Variants in C4orf54 observed in about 807,000 individuals in gnomAD.
C4orf54 encodes uncharacterized protein C4orf54.
C4orf54 carries 67 observed loss-of-function variants against 80.1 expected under a neutral mutation model. That is an observed-to-expected ratio of 0.84 (90% CI 0.69 to 1.03). The LOEUF is 1.03. Among genes scored for constraint, C4orf54 ranks in the 50% least tolerant of loss-of-function variants. The pLI is 0.00. For synonymous variants in C4orf54, 1,000 were observed against 917.0 expected (o/e 1.09, Z -1.64); for missense variants, 2,434 against 2,253.5 (o/e 1.08, Z -1.62).
Position 99,651,955 on chromosome 4 carries a change from G to A in C4orf54, c.2694C>T (p.Phe898=), listed in dbSNP as rs1243936789. ...GSVAGSKSPV[F]KASTPRERNA... Reference sequence around the variant, plus strand: ...TGCGCTCGCGAGGAGTACTGGCTTTGAAGACTGGAGATTTGGAGCCCGCCA... The same window carrying A: ...TGCGCTCGCGAGGAGTACTGGCTTTAAAGACTGGAGATTTGGAGCCCGCCA... Residue 898 remains phenylalanine (F), a synonymous_variant, in exon 2 of 3, where the codon TTC becomes TTT. Coordinates refer to ENST00000511828, the MANE Select transcript of C4orf54 (RefSeq NM_001354435.2). 1.3e-6 allele frequency: 2 copies of A among 1,536,052 alleles called. No individual in the cohort carries two copies. The highest frequency in any genetic ancestry group is 2.7e-5 in the African/African-American group (2 of 73,068).
chr4:99,650,564 A>C lies in C4orf54; in HGVS notation c.4085T>G (p.Leu1362Arg). ...GAGAGATCGGGGTCTTTCCCTGGCC[A>C]GGTTCTCAAAGGCCGCTGCCCTGGC... ...VSARAAAFEN[L>R]ARERPRSLYI... Residue 1362 changes from leucine (L) to arginine (R), a missense_variant, in exon 2 of 3, where the codon CTG becomes CGG. Coordinates refer to ENST00000511828, the MANE Select transcript of C4orf54 (RefSeq NM_001354435.2). The C allele has an allele frequency of 6.5e-7, 1 of 1,536,020 alleles. No homozygotes were observed. Among genetic ancestry groups the C allele is most frequent in the South Asian group, 1.2e-5 (1 of 84,046 alleles).
Position 99,650,339 on chromosome 4 carries a change from G to C in C4orf54, c.4310C>G (p.Ser1437Cys). 6.5e-7 allele frequency: 1 copy of C among 1,536,048 alleles called. No homozygotes were observed. The highest frequency in any genetic ancestry group is 2.4e-5 in the East Asian group (1 of 40,898). ...AKGIKSQGLRSLKISPATRAP... is the reference protein window; with the variant it reads ...AKGIKSQGLRCLKISPATRAP... ...CCGGGTGGCTGGAGAGATCTTGAGG[G>C]ACCGGAGTCCCTGCGACTTGATGCC... The change falls in exon 2 of 3, where the codon TCC becomes TGC. Residue 1437 changes from serine to cysteine, a missense_variant. Physicochemically the swap from Ser to Cys is moderately radical, Grantham distance 112 (BLOSUM62 -1). Coordinates refer to ENST00000511828, the MANE Select transcript of C4orf54 (RefSeq NM_001354435.2).
rs1440407703 is a variant in C4orf54 at position 99,652,965 on chromosome 4, G to T, written c.1684C>A (p.His562Asn). Residue 562 changes from histidine to asparagine, a missense_variant, in exon 2 of 3, where the codon CAC becomes AAC. By Grantham distance (68) the His-to-Asn change is moderately conservative. Coordinates refer to ENST00000511828, the MANE Select transcript of C4orf54 (RefSeq NM_001354435.2). ...TTTTGCTTCAGCGAACTTGAATTGT[G>T]TTCAGCAGCTGTAGAGACGCGGAGG... is the stretch of plus-strand genomic sequence containing the variant. ...MSLRVSTAAEHNSSSLKQNPA... is the reference protein window; with the variant it reads ...MSLRVSTAAENNSSSLKQNPA... 12 of 1,536,180 alleles carry T rather than the reference G, an allele frequency of 7.8e-6. No homozygotes were observed. The highest frequency in any genetic ancestry group is 8.7e-6 in the Non-Finnish European group (10 of 1,146,918).
At chr4:99,642,650 T>C (rs915524242) in intron 2 of C4orf54, among the ~76,000 whole-genome samples, 3 of 152,216 alleles carry the variant, frequency 2.0e-5, no homozygotes, top group Non-Finnish European at 2.9e-5. Flanking sequence ...ATCGCCAATA[T>C]AGCTAACCTG....
Position 99,651,249 on chromosome 4 carries a change from T to G in C4orf54, c.3400A>C (p.Lys1134Gln), listed in dbSNP as rs1444415493. The change falls in exon 2 of 3, where the codon AAA (lysine) becomes CAA (glutamine). Residue 1134 changes from lysine (K) to glutamine (Q), a missense_variant. Lys to Gln is a moderately conservative substitution (Grantham distance 53). Coordinates refer to ENST00000511828, the MANE Select transcript of C4orf54 (RefSeq NM_001354435.2). The part of the protein sequence containing the change: ...VTPEQGLTGP[K>Q]PRQLSAAAGG... Reference sequence around the variant, plus strand: ...GCTGCTGCAGACAGCTGCCTGGGTTTGGGTCCAGTCAGCCCCTGCTCTGGG... The same window carrying G: ...GCTGCTGCAGACAGCTGCCTGGGTTGGGGTCCAGTCAGCCCCTGCTCTGGG... The G allele has an allele frequency of 7.2e-6, 11 of 1,536,044 alleles. 1 individual carries two copies. Among genetic ancestry groups the G allele is most frequent in the African/African-American group, 1.4e-5 (1 of 73,046 alleles).
In C4orf54 at chr4:99,651,306, A is replaced by C; in HGVS notation, c.3343T>G (p.Ser1115Ala). 6.5e-7 allele frequency: 1 copy of C among 1,535,662 alleles called. No homozygotes were observed. The highest frequency in any genetic ancestry group is 8.7e-7 in the Non-Finnish European group (1 of 1,146,806). ...VRDVRKLIKGSGDSSDKGSVT... is the reference protein window; with the variant it reads ...VRDVRKLIKGAGDSSDKGSVT... ...CTGCCCTTGTCACTACTATCCCCTG[A>C]CCCTTTAATTAGTTTCCTGACATCT... The change falls in exon 2 of 3, where the codon TCA becomes GCA. Residue 1115 changes from serine (S) to alanine (A), a missense_variant. Transcript: ENST00000511828.
At chr4:99,648,390 T>C (rs1726735260) in intron 2 of C4orf54, among the ~76,000 whole-genome samples, 1 of 152,220 alleles carries the variant, frequency 6.6e-6, no homozygotes, top group Non-Finnish European at 1.5e-5. Context: ...TGGAAGTTGA[T>C]TCTTTTCTGA....
chr4:99,643,792 A>ACCCCCCCC (rs10714195), intron 2 of C4orf54, among the ~76,000 whole-genome samples: 3 of 98,908 alleles, frequency 3.0e-5, no homozygotes, highest in African/African-American at 4.5e-5. Context: ...ACACACACAC[A>ACCCCCCCC]CCCCCTCCGC....
intron 2 of C4orf54, among the ~76,000 whole-genome samples, chr4:99,643,572 C>T (rs1372919900): frequency 6.6e-6 from 1 of 152,114 alleles, no homozygotes; most frequent in Non-Finnish European, 1.5e-5. Flanking sequence ...TCCTAGGAGT[C>T]CTTAAGCTGT....
intron 1 of C4orf54, among the ~76,000 whole-genome samples, chr4:99,656,888 C>G (rs955750342): frequency 6.6e-6 from 1 of 152,200 alleles, no homozygotes; most frequent in Non-Finnish European, 1.5e-5. Flanking sequence ...GCAGGGCACC[C>G]GGATTCACAA....
Position 99,649,907 on chromosome 4 carries a change from G to A in C4orf54, c.4742C>T (p.Pro1581Leu), listed in dbSNP as rs1726771810. 1.3e-6 allele frequency: 2 copies of A among 1,529,032 alleles called. No individual in the cohort carries two copies. Among genetic ancestry groups the A allele is most frequent in the East Asian group, 2.5e-5 (1 of 40,710 alleles). 94.7% of individuals were successfully genotyped at this position (1,529,032 alleles called of 1,614,324 possible). A position where few individuals can be genotyped will look rare whatever the true frequency, so the allele number is the denominator to read the frequency against. Residue 1581 changes from proline to leucine, a missense_variant, in exon 2 of 3, where the codon CCA becomes CTA. By Grantham distance (98) the Pro-to-Leu change is moderately conservative. Coordinates refer to ENST00000511828, the MANE Select transcript of C4orf54 (RefSeq NM_001354435.2). ...GAQPQVLCFSPPSMPAPAPAA... is the reference protein window; with the variant it reads ...GAQPQVLCFSLPSMPAPAPAA... Reference sequence around the variant, plus strand: ...AGGTGCTGGGGCAGGCATGCTGGGTGGGGAGAAGCAGAGGACCTGAGGCTG... The same window carrying A: ...AGGTGCTGGGGCAGGCATGCTGGGTAGGGAGAAGCAGAGGACCTGAGGCTG...
chr4:99,651,579 G>T lies in C4orf54; in HGVS notation c.3070C>A (p.Pro1024Thr). ...AQATSTAVIR[P>T]KAPEIKIRLG... is the part of the protein sequence containing the mutation. Reference sequence around the variant, plus strand: ...CGGATCTTGATTTCGGGAGCCTTGGGTCTGATCACCGCTGTGGAGGTGGCC... The same window carrying T: ...CGGATCTTGATTTCGGGAGCCTTGGTTCTGATCACCGCTGTGGAGGTGGCC... Residue 1024 changes from proline to threonine, a missense_variant, in exon 2 of 3, where the codon CCC becomes ACC. Coordinates refer to ENST00000511828, the MANE Select transcript of C4orf54 (RefSeq NM_001354435.2). The T allele has an allele frequency of 2.0e-6, 3 of 1,536,132 alleles. No homozygotes were observed. Among genetic ancestry groups the T allele is most frequent in the Non-Finnish European group, 2.6e-6 (3 of 1,146,896 alleles).
chr4:99,656,280 G>GT (rs1194995054), intron 1 of C4orf54, among the ~76,000 whole-genome samples: 397 of 146,636 alleles, frequency 2.7e-3, no homozygotes, highest in South Asian at 9.3e-3. Context: ...TTTTATCTTA[G>GT]TTTTTTTTTT....
intron 2 of C4orf54, among the ~76,000 whole-genome samples, chr4:99,643,792 A>ACACACC (rs61130907): frequency 0.026 from 2,541 of 98,414 alleles, 77 homozygotes; most frequent in Non-Finnish European, 0.038. Context: ...ACACACACAC[A>ACACACC]CCCCCTCCGC....
At chr4:99,642,397 G>A (rs1460468443) in intron 2 of C4orf54, among the ~76,000 whole-genome samples, 1 of 152,180 alleles carries the variant, frequency 6.6e-6, no homozygotes, top group East Asian at 1.9e-4. Flanking sequence ...AGGGGAAACA[G>A]AGAGAAAAGA....
Position 99,650,233 on chromosome 4 carries a change from G to A in C4orf54, c.4416C>T (p.Thr1472=). The A allele has an allele frequency of 2.0e-6, 3 of 1,536,070 alleles. No individual in the cohort carries two copies. Residue 1472 remains threonine, a synonymous_variant, in exon 2 of 3, where the codon ACC becomes ACT. Coordinates refer to ENST00000511828, the MANE Select transcript of C4orf54 (RefSeq NM_001354435.2). ...CAGCAGAGCTTCCTTTAAGAGGGAT[G>A]GTCAGGTAATTCTCACAGTCACTGT... ...KSNSDCENYL[T]IPLKGSSAAG... is the part of the protein sequence containing the mutation.
chr4:99,639,081 C>T lies in C4orf54; in HGVS notation c.*2152G>A, dbSNP rs1242297243. On this transcript the variant is annotated 3_prime_UTR_variant, in exon 3 of 3. Coordinates refer to ENST00000511828, the MANE Select transcript of C4orf54 (RefSeq NM_001354435.2). ...TAGGGGTCCCAAGCCCTCAACTCTA[C>T]CACATTTTCTAGAGAAGGAGTTGTC... 2.0e-5 allele frequency: 3 copies of T among 152,138 alleles called. No individual in the cohort carries two copies. Among genetic ancestry groups the T allele is most frequent in the African/African-American group, 4.8e-5 (2 of 41,454 alleles). 9.4% of individuals were successfully genotyped at this position (152,138 alleles called of 1,614,324 possible). A position where few individuals can be genotyped will look rare whatever the true frequency, so the allele number is the denominator to read the frequency against.
intron 1 of C4orf54, among the ~76,000 whole-genome samples, chr4:99,655,430 G>A (rs1023235932): frequency 1.3e-5 from 2 of 152,208 alleles, no homozygotes; most frequent in African/African-American, 2.4e-5. Context: ...TATAGCCTGA[G>A]CTGCAGCCTC....
rs1340124985 is a variant in C4orf54, at chr4:99,651,686, G to C, written c.2963C>G (p.Ser988Cys). The C allele has an allele frequency of 5.2e-6, 8 of 1,536,086 alleles. No homozygotes were observed. The highest frequency in any genetic ancestry group is 7.0e-6 in the Non-Finnish European group (8 of 1,146,896). Residue 988 changes from serine to cysteine, a missense_variant, in exon 2 of 3, where the codon TCT (serine) becomes TGT (cysteine). Transcript: ENST00000511828. Reference protein sequence around the residue: ...EISASKNTIMSRLFVPNIQQT... With the variant: ...EISASKNTIMCRLFVPNIQQT... Reference sequence around the variant, plus strand: ...CTGGATGTTGGGGACAAAGAGGCGAGACATGATGGTGTTCTTGCTGGCAGA... The same window carrying C: ...CTGGATGTTGGGGACAAAGAGGCGACACATGATGGTGTTCTTGCTGGCAGA...
Sources: gnomAD v4.1 joint callset for allele counts (sites outside exome capture counted in the v4.1 genomes callset) on GRCh38, gnomAD v4.1.1 for gene constraint, MANE v1.5 for transcripts, NCBI Gene and HGNC (gene_info 2026-07-23, HGNC 2026-07-21) for gene names.